The following SCHIP1 variants were observed in gnomAD, a reference collection of about 807,000 sequenced individuals.
The protein encoded by SCHIP1 is schwannomin-interacting protein 1.
SCHIP1 carries 8 observed loss-of-function variants against 29.7 expected under a neutral mutation model. The observed-to-expected ratio is 0.27, with a 90% confidence interval of 0.16 to 0.49. The LOEUF is 0.49. Among genes scored for constraint, SCHIP1 ranks in the 20% least tolerant of loss-of-function variants. SCHIP1 has a pLI of 0.99. For synonymous variants in SCHIP1, 76 were observed against 94.9 expected (o/e 0.80, Z 1.16); for missense variants, 193 against 294.6 (o/e 0.66, Z 2.52).
chr3:159,390,844 A>G, the SCHIP1 span, among the ~76,000 whole-genome samples: 2 of 152,118 alleles, frequency 1.3e-5, no homozygotes, highest in East Asian at 1.9e-4. Context: ...CACATAAGCA[A>G]TGCCTCAGGG....
At chr3:159,408,208 G>A in the SCHIP1 span, among the ~76,000 whole-genome samples, 4 of 151,988 alleles carry the variant, frequency 2.6e-5, no homozygotes, top group Non-Finnish European at 5.9e-5. Flanking sequence ...TGAGGCAGAA[G>A]AATGGCGTGA....
the SCHIP1 span, among the ~76,000 whole-genome samples, chr3:159,773,956 GC>G: frequency 6.6e-6 from 1 of 152,180 alleles, no homozygotes; most frequent in Non-Finnish European, 1.5e-5. Flanking sequence ...AGATTAAGAT[GC>G]CTGGCGTAGT....
At chr3:159,517,684 AAT>A in the SCHIP1 span, among the ~76,000 whole-genome samples, 11 of 150,914 alleles carry the variant, frequency 7.3e-5, no homozygotes, top group East Asian at 5.8e-4. Context: ...GTGTGTACAT[AAT>A]ATATATATAT....
chr3:159,646,193 A>G, the SCHIP1 span, among the ~76,000 whole-genome samples: 1,049 of 152,238 alleles, frequency 6.9e-3, 13 homozygotes, highest in African/African-American at 0.023. Flanking sequence ...ACCACTCTCC[A>G]CCTATGGAGC....
intron 1 of SCHIP1, among the ~76,000 whole-genome samples, chr3:159,863,858 C>CA (rs1714325598): frequency 6.6e-6 from 1 of 152,166 alleles, no homozygotes; most frequent in Non-Finnish European, 1.5e-5. Flanking sequence ...CCTCCAATAT[C>CA]TGTAGCTCTA....
At chr3:159,734,574 ACTTT>A in the SCHIP1 span, among the ~76,000 whole-genome samples, 14 of 152,242 alleles carry the variant, frequency 9.2e-5, no homozygotes, top group Non-Finnish European at 2.1e-4. Flanking sequence ...CAAGCCACTT[ACTTT>A]ATCTGTGCCT....
intron 1 of SCHIP1, among the ~76,000 whole-genome samples, chr3:159,864,868 T>G (rs1175516331): frequency 6.6e-6 from 1 of 152,134 alleles, no homozygotes; most frequent in East Asian, 1.9e-4. Context: ...TGAAATGAGG[T>G]AGTGTGCCCG....
the SCHIP1 span, among the ~76,000 whole-genome samples, chr3:159,501,559 G>A: frequency 5.9e-5 from 9 of 152,158 alleles, no homozygotes; most frequent in African/African-American, 2.2e-4. Context: ...AACTCACATG[G>A]TATTCTCATG....
chr3:159,374,955 C>CT, the SCHIP1 span, among the ~76,000 whole-genome samples: 5 of 152,098 alleles, frequency 3.3e-5, no homozygotes, highest in South Asian at 1.0e-3. Context: ...AGAATGTAGA[C>CT]TTTTTTGTTA....
the SCHIP1 span, among the ~76,000 whole-genome samples, chr3:159,817,350 C>A: frequency 6.6e-6 from 1 of 152,074 alleles, no homozygotes; most frequent in East Asian, 1.9e-4. Context: ...GGTGCATTGT[C>A]AATGACAGCA....
the SCHIP1 span, among the ~76,000 whole-genome samples, chr3:159,405,322 A>G: frequency 6.6e-6 from 1 of 152,220 alleles, no homozygotes; most frequent in Non-Finnish European, 1.5e-5. Context: ...CCAATCCTGG[A>G]GAGATAGAGA....
chr3:159,394,640 C>T, the SCHIP1 span, among the ~76,000 whole-genome samples: 28 of 151,978 alleles, frequency 1.8e-4, no homozygotes, highest in East Asian at 5.2e-3. Flanking sequence ...TATATTGAAC[C>T]AGCCTTGCAT....
At chr3:159,696,072 C>T in the SCHIP1 span, among the ~76,000 whole-genome samples, 1 of 152,196 alleles carries the variant, frequency 6.6e-6, no homozygotes, top group Admixed American at 6.5e-5. Context: ...TCATCTCTCC[C>T]TATGCAACTT....
the SCHIP1 span, among the ~76,000 whole-genome samples, chr3:159,740,967 C>T: frequency 3.3e-5 from 5 of 151,958 alleles, no homozygotes; most frequent in African/African-American, 1.2e-4. Flanking sequence ...TCCCCTAAAG[C>T]CTCTTGCAGA....
the SCHIP1 span, among the ~76,000 whole-genome samples, chr3:159,422,210 C>T: frequency 6.6e-6 from 1 of 152,068 alleles, no homozygotes; most frequent in African/African-American, 2.4e-5. Flanking sequence ...TATTTTATTT[C>T]ATCAATGGAT....
At chr3:159,285,978 C>G in the SCHIP1 span, among the ~76,000 whole-genome samples, 6 of 152,014 alleles carry the variant, frequency 3.9e-5, no homozygotes, top group Non-Finnish European at 7.4e-5. Flanking sequence ...CTTTCAAGAA[C>G]TATTTTTTGA....
At chr3:159,429,328 C>T in the SCHIP1 span, among the ~76,000 whole-genome samples, 3 of 151,874 alleles carry the variant, frequency 2.0e-5, no homozygotes, top group Non-Finnish European at 2.9e-5. Context: ...TCCCCTACTT[C>T]GTGCTATGAA....
chr3:159,704,661 A>C, the SCHIP1 span, among the ~76,000 whole-genome samples: 2 of 152,096 alleles, frequency 1.3e-5, no homozygotes, highest in African/African-American at 4.8e-5. Context: ...TGAAAATTAA[A>C]ATGGGAATTT....
the SCHIP1 span, among the ~76,000 whole-genome samples, chr3:159,679,945 A>G: frequency 6.6e-6 from 1 of 151,740 alleles, no homozygotes; most frequent in Non-Finnish European, 1.5e-5. Flanking sequence ...ATCCAAGAGC[A>G]CCCTCCTTCA....
Sources: gnomAD v4.1 joint callset for allele counts (sites outside exome capture counted in the v4.1 genomes callset) on GRCh38, gnomAD v4.1.1 for gene constraint, MANE v1.5 for transcripts, NCBI Gene and HGNC (gene_info 2026-07-23, HGNC 2026-07-21) for gene names.